METTL8: variants seen among roughly 807,000 people sequenced by gnomAD.
The protein encoded by METTL8 is tRNA N(3)-cytidine methyltransferase METTL8, mitochondrial.
Under a neutral mutation model 48.7 loss-of-function variants are expected in METTL8, and 32 were observed. The observed-to-expected ratio is 0.66, with a 90% CI of 0.50 to 0.88. The LOEUF is 0.88. Ranked by LOEUF, METTL8 falls within the 40% of genes least tolerant of loss-of-function variation. METTL8 has a pLI of 0.00. For missense variants in METTL8, 464 were observed against 474.4 expected (o/e 0.98, Z 0.20); for synonymous variants, 136 against 157.1 (o/e 0.87, Z 1.01).
intron 3 of METTL8, among the ~76,000 whole-genome samples, chr2:171,350,029 T>C (rs1202763074): frequency 6.6e-6 from 1 of 152,154 alleles, no homozygotes; most frequent in East Asian, 1.9e-4. Context: ...TTGTTACACA[T>C]GTATACTTGT....
rs191034492 is a variant in METTL8 at position 171,381,815 on chromosome 2, C to G, written c.143+10228G>C. 1.5e-3 allele frequency among the ~76,000 whole-genome samples: 208 copies of G among 140,448 alleles called. 4 individuals carry two copies. The East Asian group carries it at 0.015, about 10-fold the overall frequency. The allele number at this position is 140,448 out of a possible 152,430, so 92.1% of individuals were successfully genotyped here. On this transcript the variant is annotated intron_variant, in intron 2 of 9. Coordinates refer to ENST00000375258, the MANE Select transcript of METTL8 (RefSeq NM_001321154.2). ...TTTTTTTTTTTGACATGGAGTCTTG[C>G]TCTGTAACCAGGCTGGAGTGCAGTA...
At position 171,426,113 on chromosome 2, in the gene METTL8, A is replaced by C. The variant is rs112005563; in HGVS notation, c.-13+7770T>G. Among the ~76,000 whole-genome samples the C allele has an allele frequency of 3.3e-3, 505 of 152,218 alleles. 1 individual carries two copies. Among genetic ancestry groups the C allele is most frequent in the African/African-American group, 0.011 (463 of 41,552 alleles). ...CAGAGGTTGCAGTGAGCTGAGATTG[A>C]GCCACTGCACTCCAGCCTGGGCAAT... On this transcript the variant is annotated intron_variant, in intron 1 of 9. Transcript: ENST00000375258.
intron 3 of METTL8, among the ~76,000 whole-genome samples, chr2:171,356,952 A>ATGTTTTTTTGTTTTTTTTTTT: frequency 1.3e-5 from 1 of 78,468 alleles, no homozygotes. Flanking sequence ...CAAAGACAAT[A>ATGTTTTTTTGTTTTTTTTTTT]TTTTTTTTTT....
chr2:171,373,996 G>GT, intron 2 of METTL8, among the ~76,000 whole-genome samples: 1 of 152,170 alleles, frequency 6.6e-6, no homozygotes. Context: ...CTTTAAAGTA[G>GT]TTTTTTCCAA....
upstream of METTL8, chr2:171,434,232 C>T (rs1693568597): frequency 2.2e-6 from 1 of 449,526 alleles, no homozygotes; most frequent in African/African-American, 2.0e-5. Flanking sequence ...CTGGGAGAAG[C>T]CGGGCTGCCT....
intron 2 of METTL8, among the ~76,000 whole-genome samples, chr2:171,376,901 A>T (rs1381485051): frequency 6.6e-6 from 1 of 152,228 alleles, no homozygotes; most frequent in Non-Finnish European, 1.5e-5. Flanking sequence ...AACAATAAGC[A>T]GAAAGAATAA....
At chr2:171,329,236 C>T (rs1322977335) in intron 7 of METTL8, among the ~76,000 whole-genome samples, 1 of 152,194 alleles carries the variant, frequency 6.6e-6, no homozygotes, top group Non-Finnish European at 1.5e-5. Context: ...GGTGATCCAC[C>T]CACCTCGGCT....
At chr2:171,351,612 ATTTG>A (rs1683934213) in intron 3 of METTL8, among the ~76,000 whole-genome samples, 2 of 152,160 alleles carry the variant, frequency 1.3e-5, no homozygotes, top group South Asian at 4.2e-4. Flanking sequence ...ATGTTCTTCC[ATTTG>A]TTTGTGTCCT....
intron 3 of METTL8, among the ~76,000 whole-genome samples, chr2:171,355,860 G>A (rs528996223): frequency 1.1e-4 from 17 of 152,262 alleles, no homozygotes; most frequent in African/African-American, 2.6e-4. Flanking sequence ...TCCAGGTGCC[G>A]TCTGTCACCA....
At chr2:171,405,165 C>T (rs550202445) in intron 1 of METTL8, among the ~76,000 whole-genome samples, 6 of 152,094 alleles carry the variant, frequency 3.9e-5, no homozygotes, top group African/African-American at 1.4e-4. Flanking sequence ...AAGGATCCTA[C>T]AATATATTCA....
At chr2:171,345,994 TGA>T (rs982727531) in intron 3 of METTL8, among the ~76,000 whole-genome samples, 3 of 152,166 alleles carry the variant, frequency 2.0e-5, no homozygotes, top group African/African-American at 7.2e-5. Flanking sequence ...GCAATCTTAT[TGA>T]AAGAAATGAG....
intron 3 of METTL8, among the ~76,000 whole-genome samples, chr2:171,358,251 T>G (rs1225600416): frequency 1.3e-5 from 2 of 150,804 alleles, no homozygotes; most frequent in African/African-American, 4.9e-5. Flanking sequence ...ATCAGGAGGC[T>G]GAGACAGGAG....
chr2:171,391,932 C>T (rs979230218), intron 2 of METTL8, 111 bp downstream of exon 2: 14 of 1,098,198 alleles, frequency 1.3e-5, no homozygotes, highest in African/African-American at 3.2e-5. Flanking sequence ...ACCTCTACAA[C>T]ATGAGTTAGG....
chr2:171,324,031 CA>C lies in METTL8; in HGVS notation c.*140del. 1.5e-6 allele frequency: 1 copy of C among 680,530 alleles called. No individual in the cohort carries two copies. The highest frequency in any genetic ancestry group is 2.2e-5 in the South Asian group (1 of 45,344). 42.2% of individuals were successfully genotyped at this position (680,530 alleles called of 1,614,324 possible). A position where few individuals can be genotyped will look rare whatever the true frequency, so the allele number is the denominator to read the frequency against. ...ACCACTTACATGTGCTTAAAATGCACAAAGGAGCTCACCTATGACAAAACGG... is the reference window on the plus strand; with the variant it reads ...ACCACTTACATGTGCTTAAAATGCACAAGGAGCTCACCTATGACAAAACGG... On this transcript the variant is annotated 3_prime_UTR_variant, in exon 10 of 10. Transcript: ENST00000375258.
rs377633030 is a variant in METTL8 at position 171,331,801 on chromosome 2, T to C, written c.720+3A>G. On this transcript the variant is annotated splice_donor_region_variant and intron_variant, in intron 6 of 9. Coordinates refer to ENST00000375258, the MANE Select transcript of METTL8 (RefSeq NM_001321154.2). ...GTTGGTATGATTCCCAGGAGTAGCA[T>C]ACCTTTACGAGCTCCACAGCTCCAG... The C allele has an allele frequency of 2.1e-5, 34 of 1,600,596 alleles. No homozygotes were observed. Among genetic ancestry groups the C allele is most frequent in the Non-Finnish European group, 2.5e-5 (29 of 1,172,268 alleles).
chr2:171,324,770 A>C (rs1684759726), intron 9 of METTL8, among the ~76,000 whole-genome samples: 1 of 152,150 alleles, frequency 6.6e-6, no homozygotes, highest in Non-Finnish European at 1.5e-5. Flanking sequence ...ATTTTTAAAA[A>C]TGTGAAATTG....
rs893979202 is a variant in METTL8, at chr2:171,433,936, C to A, written c.-66G>T. On this transcript the variant is annotated 5_prime_UTR_variant, in exon 1 of 10. Coordinates refer to ENST00000375258, the MANE Select transcript of METTL8 (RefSeq NM_001321154.2). ...ATCGCCCTCGACACAGCGCCCCTCC[C>A]GGCACCTGGCCAGAACCTCCCAGGG... 5.3e-6 allele frequency: 1 copy of A among 190,180 alleles called. No individual in the cohort carries two copies. The highest frequency in any genetic ancestry group is 2.4e-5 in the African/African-American group (1 of 41,602). 11.8% of individuals were successfully genotyped at this position (190,180 alleles called of 1,614,324 possible). A position where few individuals can be genotyped will look rare whatever the true frequency, so the allele number is the denominator to read the frequency against.
chr2:171,396,178 C>G (rs1361713801), intron 1 of METTL8, among the ~76,000 whole-genome samples: 1 of 151,984 alleles, frequency 6.6e-6, no homozygotes, highest in East Asian at 1.9e-4. Flanking sequence ...ACAAGAATCA[C>G]TTGAACCCAG....
At chr2:171,411,761 ACT>A (rs1574191360) in intron 1 of METTL8, among the ~76,000 whole-genome samples, 2 of 152,300 alleles carry the variant, frequency 1.3e-5, no homozygotes, top group East Asian at 3.9e-4. Flanking sequence ...GGTAAAAAAG[ACT>A]CTTAAACATG....
Sources: allele counts gnomAD v4.1 joint callset (sites outside exome capture counted in the v4.1 genomes callset), GRCh38; gene constraint gnomAD v4.1.1; transcripts MANE v1.5; gene names NCBI Gene and HGNC (gene_info 2026-07-23, HGNC 2026-07-21).